SEMA4B: variants seen among roughly 807,000 people sequenced by gnomAD.
The protein encoded by SEMA4B is semaphorin 4B, also known as semaphorin-4B.
Under a neutral mutation model 88.1 loss-of-function variants are expected in SEMA4B, and 55 were observed. That is an observed-to-expected ratio of 0.62 (90% CI 0.50 to 0.78). SEMA4B has a LOEUF of 0.78. Ranked by LOEUF, SEMA4B falls within the 30% of genes least tolerant of loss-of-function variation. The probability of loss-of-function intolerance (pLI) is 0.00; values close to 1 mark genes in which losing one functional copy is unlikely to be tolerated. For missense variants in SEMA4B, 1,062 were observed against 1,111.9 expected (o/e 0.96, Z 0.64); for synonymous variants, 525 against 473.6 (o/e 1.11, Z -1.41).
chr15:90,185,494 G>A (rs574163221), intron 1 of SEMA4B, among the ~76,000 whole-genome samples: 2 of 152,260 alleles, frequency 1.3e-5, no homozygotes, highest in Non-Finnish European at 2.9e-5. Context: ...GAGCACCAAG[G>A]TGCTAGAAGG....
chr15:90,201,288 C>A, upstream of SEMA4B: 2 of 1,107,252 alleles, frequency 1.8e-6, no homozygotes, highest in East Asian at 5.0e-5. Context: ...GCGGGCCGGC[C>A]GGGCTCACGG....
rs1372170635 is a variant in SEMA4B at position 90,224,974 on chromosome 15, A to G, written c.1201A>G (p.Thr401Ala). 6.2e-7 allele frequency: 1 copy of G among 1,613,780 alleles called. No individual in the cohort carries two copies. The highest frequency in any genetic ancestry group is 8.5e-7 in the Non-Finnish European group (1 of 1,179,802). Reference protein sequence around the residue: ...VPTPRPGACITNSARERKINS... With the variant: ...VPTPRPGACIANSARERKINS... ...CTGCTGCTTTCTCCTCCAGTGCATCACCAACAGTGCCCGGGAAAGGAAGAT... is the reference window on the plus strand; with the variant it reads ...CTGCTGCTTTCTCCTCCAGTGCATCGCCAACAGTGCCCGGGAAAGGAAGAT... The change falls in exon 10 of 14, where the codon ACC becomes GCC. Residue 401 changes from threonine to alanine, a missense_variant. Thr to Ala is a moderately conservative substitution (Grantham distance 58, BLOSUM62 0). Coordinates refer to ENST00000411539, the MANE Select transcript of SEMA4B (RefSeq NM_198925.4).
chr15:90,221,857 AT>A, intron 7 of SEMA4B, 92 bp downstream of exon 7: 1 of 1,268,956 alleles, frequency 7.9e-7, no homozygotes, highest in South Asian at 1.3e-5. Flanking sequence ...GGCCTTTCCC[AT>A]CCCGCCAAGG....
chr15:90,226,760 C>T (rs1365820340), intron 12 of SEMA4B, among the ~76,000 whole-genome samples: 10 of 152,088 alleles, frequency 6.6e-5, no homozygotes, highest in African/African-American at 1.9e-4. Context: ...GTGCGTATGC[C>T]AGGAGGGACA....
In SEMA4B at chr15:90,225,752, C is replaced by T; in HGVS notation, c.1613C>T (p.Ala538Val). 2 of 1,577,250 alleles carry T rather than the reference C, an allele frequency of 1.3e-6. No homozygotes were observed. The highest frequency in any genetic ancestry group is 1.7e-6 in the Non-Finnish European group (2 of 1,163,158). Residue 538 changes from alanine (A) to valine (V), a missense_variant, in exon 12 of 14, where the codon GCC (alanine) becomes GTC (valine). Ala to Val is a moderately conservative substitution (Grantham distance 64). Coordinates refer to ENST00000411539, the MANE Select transcript of SEMA4B (RefSeq NM_198925.4). Reference sequence around the variant, plus strand: ...AGGAGCTGTGGGGACTGCCTCCTCGCCCGGGACCCCTACTGTGCTTGGAGC... The same window carrying T: ...AGGAGCTGTGGGGACTGCCTCCTCGTCCGGGACCCCTACTGTGCTTGGAGC... ...LYRSCGDCLL[A>V]RDPYCAWSGS...
intron 4 of SEMA4B, 151 bp downstream of exon 4, chr15:90,220,042 C>A: frequency 1.7e-6 from 1 of 594,428 alleles, no homozygotes; most frequent in Non-Finnish European, 2.9e-6. Flanking sequence ...CCCTGAGGTC[C>A]CACACCCTGG....
intron 7 of SEMA4B, among the ~76,000 whole-genome samples, chr15:90,222,942 G>A (rs1356180012): frequency 8.3e-5 from 10 of 120,700 alleles, no homozygotes; most frequent in Admixed American, 1.6e-4. Context: ...TTTGGCATAT[G>A]TGTAACTCTG....
At chr15:90,194,744 A>G (rs951004158) in intron 1 of SEMA4B, among the ~76,000 whole-genome samples, 4 of 152,148 alleles carry the variant, frequency 2.6e-5, no homozygotes, top group African/African-American at 9.7e-5. Flanking sequence ...AAATGGAAAG[A>G]TTAGTACAAA....
In SEMA4B at chr15:90,212,266, C is replaced by A. The variant is rs534536044; in HGVS notation, c.158-5173C>A. Among the ~76,000 whole-genome samples the A allele has an allele frequency of 4.6e-5, 7 of 152,234 alleles. No individual in the cohort carries two copies. The East Asian group carries it at 1.4e-3, about 30-fold the overall frequency. ...AGGGACAGGGCAGCCCCAGACCAGC[C>A]CCGGTCTGCCTTTTTGAAGGATGAT... On this transcript the variant is annotated intron_variant, in intron 1 of 13. Coordinates refer to ENST00000411539, the MANE Select transcript of SEMA4B (RefSeq NM_198925.4). The surrounding 1 kb of genome is among the most constrained non-coding windows in gnomAD (Gnocchi z 4.0).
intron 1 of SEMA4B, among the ~76,000 whole-genome samples, chr15:90,205,783 G>A (rs1396701835): frequency 6.6e-6 from 1 of 152,188 alleles, no homozygotes; most frequent in African/African-American, 2.4e-5. Flanking sequence ...CAGGCTTAGT[G>A]CCTGCCCTGG....
At chr15:90,185,348 C>T (rs1409140799) in intron 1 of SEMA4B, among the ~76,000 whole-genome samples, 1 of 152,252 alleles carries the variant, frequency 6.6e-6, no homozygotes, top group Non-Finnish European at 1.5e-5. Flanking sequence ...GCCAGTGCAC[C>T]ACCCCTACTC....
upstream of SEMA4B, among the ~76,000 whole-genome samples, chr15:90,200,658 C>T (rs1229570582): frequency 6.6e-6 from 1 of 152,158 alleles, no homozygotes; most frequent in African/African-American, 2.4e-5. Flanking sequence ...CTTCCCCTGC[C>T]GGGTCACGTG....
chr15:90,224,596 G>T (rs568938102), intron 9 of SEMA4B, among the ~76,000 whole-genome samples: 2 of 152,284 alleles, frequency 1.3e-5, no homozygotes, highest in South Asian at 4.1e-4. Flanking sequence ...AGCCTCAGGC[G>T]GGGCAGGAAA....
At chr15:90,190,735 C>G (rs1960319345) in intron 1 of SEMA4B, among the ~76,000 whole-genome samples, 1 of 151,946 alleles carries the variant, frequency 6.6e-6, no homozygotes, top group African/African-American at 2.4e-5. Context: ...CTGTGTGTGT[C>G]TGTGTGTGTC....
At position 90,185,110 on chromosome 15, in the gene SEMA4B, G is replaced by C. The variant is rs1032614927; in HGVS notation, c.-122+29G>C. On this transcript the variant is annotated intron_variant, in intron 1 of 14. Transcript: ENST00000332496. ...GGCGCGGGGGGTGCCTGGCGAGGTG[G>C]GAGCCGCTGCCCGGGAGGTGGCGGA... The C allele has an allele frequency of 2.8e-4, 270 of 974,112 alleles. 1 individual carries two copies. Among genetic ancestry groups the C allele is most frequent in the Non-Finnish European group, 3.2e-4 (260 of 819,632 alleles). 60.3% of individuals were successfully genotyped at this position (974,112 alleles called of 1,614,324 possible). A position where few individuals can be genotyped will look rare whatever the true frequency, so the allele number is the denominator to read the frequency against.
Position 90,217,493 on chromosome 15 carries a change from C to T in SEMA4B, c.212C>T (p.Thr71Ile). 2 of 1,613,960 alleles carry T rather than the reference C, an allele frequency of 1.2e-6. No homozygotes were observed. Among genetic ancestry groups the T allele is most frequent in the Non-Finnish European group, 1.7e-6 (2 of 1,179,878 alleles). The part of the protein sequence containing the change: ...RFEAEHISNY[T>I]ALLLSRDGRT... ...GAAGCTGAACACATCTCCAACTACA[C>T]AGCCCTTCTGCTGAGCAGGGATGGC... Residue 71 changes from threonine (T) to isoleucine (I), a missense_variant, in exon 2 of 14, where the codon ACA becomes ATA. Thr to Ile is a moderately conservative substitution (Grantham distance 89, BLOSUM62 -1). Coordinates refer to ENST00000411539, the MANE Select transcript of SEMA4B (RefSeq NM_198925.4).
chr15:90,199,391 C>G (rs964436739), upstream of SEMA4B, among the ~76,000 whole-genome samples: 6 of 152,006 alleles, frequency 3.9e-5, no homozygotes, highest in African/African-American at 1.5e-4. Flanking sequence ...AGGGTTTTGG[C>G]CTGAGCAATT....
At chr15:90,186,284 C>T (rs1034395533) in intron 1 of SEMA4B, among the ~76,000 whole-genome samples, 4 of 152,070 alleles carry the variant, frequency 2.6e-5, no homozygotes, top group Non-Finnish European at 5.9e-5. Flanking sequence ...GATATGTCTC[C>T]TTGCACCTGG....
In SEMA4B at chr15:90,220,992, A is replaced by T. The variant is rs1298984365; in HGVS notation, c.494A>T (p.Asn165Ile). 6.2e-7 allele frequency: 1 copy of T among 1,607,196 alleles called. No individual in the cohort carries two copies. Among genetic ancestry groups the T allele is most frequent in the South Asian group, 1.1e-5 (1 of 89,444 alleles). The change falls in exon 5 of 14, where the codon AAC (asparagine) becomes ATC (isoleucine). Residue 165 changes from asparagine (N) to isoleucine (I), a missense_variant. Coordinates refer to ENST00000411539, the MANE Select transcript of SEMA4B (RefSeq NM_198925.4). ...SPMCTYINMENFTLARDEKGN... is the reference protein window; with the variant it reads ...SPMCTYINMEIFTLARDEKGN... Reference sequence around the variant, plus strand: ...TCCACCCTCCTGCAGAACATGGAGAACTTCACCCTGGCAAGGGACGAGAAG... The same window carrying T: ...TCCACCCTCCTGCAGAACATGGAGATCTTCACCCTGGCAAGGGACGAGAAG...
Sources: gnomAD v4.1 joint callset for allele counts (sites outside exome capture counted in the v4.1 genomes callset) on GRCh38, gnomAD v4.1.1 for gene constraint, Gnocchi (gnomAD v3.1) non-coding constraint, MANE v1.5 for transcripts, NCBI Gene and HGNC (gene_info 2026-07-23, HGNC 2026-07-21) for gene names.